The following ST8SIA1 variants were observed in gnomAD, a reference collection of about 807,000 sequenced individuals.
The protein encoded by ST8SIA1 is ST8 alpha-N-acetyl-neuraminide alpha-2,8-sialyltransferase 1.
In ST8SIA1, 16 loss-of-function variants were observed where a neutral mutation model predicts 35.9. The ratio of observed to expected loss-of-function variants is 0.45; its 90% confidence interval spans 0.30 to 0.68. The LOEUF (loss-of-function observed/expected upper bound fraction) is 0.68, where lower values mean the gene tolerates loss of function less well. Ranked by LOEUF, ST8SIA1 falls within the 30% of genes least tolerant of loss-of-function variation. The pLI, the probability that ST8SIA1 is intolerant of heterozygous loss-of-function variation, is 0.09. For synonymous variants in ST8SIA1, 170 were observed against 169.6 expected (o/e 1.00, Z -0.02); for missense variants, 383 against 453.6 (o/e 0.84, Z 1.41).
rs1198239503 is a variant in ST8SIA1 at position 22,200,530 on chromosome 12, A to T, written c.*1022T>A. 3.3e-5 allele frequency: 5 copies of T among 152,194 alleles called. No individual in the cohort carries two copies. The highest frequency in any genetic ancestry group is 7.4e-5 in the Non-Finnish European group (5 of 68,024). 9.4% of individuals were successfully genotyped at this position (152,194 alleles called of 1,614,324 possible). ...AACAATAGCTCAAAAGAGGAAACAT[A>T]TTCAAAGTTTCGCTCAATTCATTCT... On this transcript the variant is annotated 3_prime_UTR_variant, in exon 5 of 5. Transcript: ENST00000396037.
At chr12:22,225,961 C>T (rs1480033908) in intron 4 of ST8SIA1, among the ~76,000 whole-genome samples, 1 of 152,152 alleles carries the variant, frequency 6.6e-6, no homozygotes, top group Non-Finnish European at 1.5e-5. Flanking sequence ...AGGCTTTCTT[C>T]CCCACCCCAG....
chr12:22,221,652 A>C (rs190235496), intron 4 of ST8SIA1, among the ~76,000 whole-genome samples: 1 of 152,340 alleles, frequency 6.6e-6, no homozygotes, highest in East Asian at 1.9e-4. Flanking sequence ...AAAACAGTTG[A>C]TTCAGAGGCT....
At chr12:22,252,840 AC>A (rs1201068497) in intron 3 of ST8SIA1, among the ~76,000 whole-genome samples, 1 of 152,246 alleles carries the variant, frequency 6.6e-6, no homozygotes, top group African/African-American at 2.4e-5. Context: ...TGGATGACAC[AC>A]ACACATACAC....
intron 2 of ST8SIA1, among the ~76,000 whole-genome samples, chr12:22,277,922 TA>T (rs987976691): frequency 1.3e-5 from 2 of 152,124 alleles, no homozygotes; most frequent in African/African-American, 4.8e-5. Flanking sequence ...TGTGAGCATG[TA>T]AAAGGTAAGG....
At chr12:22,295,599 C>T (rs550502550) in intron 1 of ST8SIA1, among the ~76,000 whole-genome samples, 5 of 151,864 alleles carry the variant, frequency 3.3e-5, no homozygotes, top group South Asian at 2.1e-4. Context: ...CCTGATGTGG[C>T]GATGCATGCC....
At chr12:22,241,241 T>A (rs1363230710) in intron 4 of ST8SIA1, among the ~76,000 whole-genome samples, 1 of 152,310 alleles carries the variant, frequency 6.6e-6, no homozygotes, top group Admixed American at 6.5e-5. Context: ...CACCCAAATC[T>A]CATATTGAAT....
chr12:22,266,336 C>T (rs915228291), intron 2 of ST8SIA1, among the ~76,000 whole-genome samples: 3 of 151,920 alleles, frequency 2.0e-5, no homozygotes, highest in African/African-American at 7.3e-5. Context: ...TAAAGCTGTG[C>T]ACAGTGGCCG....
intron 2 of ST8SIA1, among the ~76,000 whole-genome samples, chr12:22,258,053 C>G (rs1030230548): frequency 6.6e-6 from 1 of 151,546 alleles, no homozygotes; most frequent in African/African-American, 2.4e-5. Context: ...ATCACCATCA[C>G]TGGGGTAGTG....
At chr12:22,291,160 G>C (rs1381503412) in intron 1 of ST8SIA1, among the ~76,000 whole-genome samples, 2 of 152,166 alleles carry the variant, frequency 1.3e-5, no homozygotes, top group Non-Finnish European at 2.9e-5. Context: ...GCCCTCATCT[G>C]TTGACTGTGC....
Position 22,193,978 on chromosome 12 carries a change from A to T in ST8SIA1, c.*7574T>A, listed in dbSNP as rs1177596944. The T allele has an allele frequency of 6.6e-6, 1 of 152,222 alleles. No homozygotes were observed. Among genetic ancestry groups the T allele is most frequent in the Admixed American group, 6.5e-5 (1 of 15,286 alleles). The allele number at this position is 152,222 out of a possible 1,614,324, so 9.4% of individuals were successfully genotyped here. ...AATGTGCCATAATAGAATTAAAGAG[A>T]CCAAAAAGACACCTTTTTCCCCAGT... On this transcript the variant is annotated 3_prime_UTR_variant, in exon 5 of 5. Transcript: ENST00000396037.
intron 2 of ST8SIA1, among the ~76,000 whole-genome samples, chr12:22,283,406 A>C (rs117320035): frequency 6.6e-6 from 1 of 152,254 alleles, no homozygotes; most frequent in Non-Finnish European, 1.5e-5. Flanking sequence ...GGGTTCATTC[A>C]ATAATTCCTG....
chr12:22,255,164 G>A (rs1304203119), intron 3 of ST8SIA1, 116 bp downstream of exon 3: 3 of 796,750 alleles, frequency 3.8e-6, no homozygotes, highest in Non-Finnish European at 6.4e-6. Context: ...TGAAGCTAAG[G>A]AGCGTGCTAC....
intron 4 of ST8SIA1, among the ~76,000 whole-genome samples, chr12:22,217,953 T>C (rs113738577): frequency 2.0e-5 from 3 of 152,348 alleles, no homozygotes; most frequent in African/African-American, 7.2e-5. Flanking sequence ...AAATAACTGT[T>C]CATTTCTCAT....
chr12:22,223,733 C>T, intron 4 of ST8SIA1: 1 of 1,258,688 alleles, frequency 7.9e-7, no homozygotes, highest in Admixed American at 2.7e-5. Context: ...TTTCCTTAAT[C>T]AAGAATCTAT....
chr12:22,208,002 G>A (rs963640944), intron 4 of ST8SIA1, among the ~76,000 whole-genome samples: 29 of 151,938 alleles, frequency 1.9e-4, no homozygotes, highest in African/African-American at 6.5e-4. Flanking sequence ...AATTAGCTGG[G>A]TGTGGTGGCA....
At chr12:22,215,809 A>G (rs911548264) in intron 4 of ST8SIA1, among the ~76,000 whole-genome samples, 2 of 152,142 alleles carry the variant, frequency 1.3e-5, no homozygotes, top group African/African-American at 4.8e-5. Flanking sequence ...CCATCTATCT[A>G]TTACAGTGTT....
rs1274790654 is a variant in ST8SIA1 at position 22,264,748 on chromosome 12, C to T, written c.382-9359G>A. On this transcript the variant is annotated intron_variant, in intron 2 of 4. Transcript: ENST00000396037. ...TTAATTATAGAATATTTGTAGTTTC[C>T]TACCACTCAAGGACTTTTAACTGTT... 3.9e-5 allele frequency among the ~76,000 whole-genome samples: 6 copies of T among 152,100 alleles called. 1 individual carries two copies. In the East Asian group the frequency reaches 1.2e-3, roughly 29 times the overall value.
chr12:22,271,011 C>T (rs544522968), intron 2 of ST8SIA1, among the ~76,000 whole-genome samples: 34 of 152,276 alleles, frequency 2.2e-4, no homozygotes, highest in African/African-American at 7.9e-4. Context: ...CACTTGCAAT[C>T]GTGGTAGCCT....
At chr12:22,330,879 T>C (rs1014670666) in intron 1 of ST8SIA1, among the ~76,000 whole-genome samples, 1 of 152,232 alleles carries the variant, frequency 6.6e-6, no homozygotes, top group Non-Finnish European at 1.5e-5. Flanking sequence ...AAACAAACAC[T>C]GCTTTGGTTT....
Sources: gnomAD v4.1 joint callset for allele counts (sites outside exome capture counted in the v4.1 genomes callset) on GRCh38, gnomAD v4.1.1 for gene constraint, MANE v1.5 for transcripts, NCBI Gene and HGNC (gene_info 2026-07-23, HGNC 2026-07-21) for gene names.